The following DCLK1 variants were observed in gnomAD, a reference collection of about 807,000 sequenced individuals.
DCLK1 encodes doublecortin like kinase 1, also known as serine/threonine-protein kinase DCLK1.
Under a neutral mutation model 86.2 loss-of-function variants are expected in DCLK1, and 16 were observed. The ratio of observed to expected loss-of-function variants is 0.19; its 90% CI spans 0.13 to 0.28. The LOEUF is 0.28. Among genes scored for constraint, DCLK1 ranks in the 10% least tolerant of loss-of-function variants. DCLK1 has a pLI of 1.00. For synonymous variants in DCLK1, 369 were observed against 370.5 expected (o/e 1.00, Z 0.05); for missense variants, 590 against 940.2 (o/e 0.63, Z 4.87).
At chr13:35,854,963 C>T (rs1308886217) in intron 5 of DCLK1, among the ~76,000 whole-genome samples, 1 of 152,130 alleles carries the variant, frequency 6.6e-6, no homozygotes, top group Non-Finnish European at 1.5e-5. Context: ...CTAGTACTAC[C>T]CAGCAGGAAT....
chr13:35,876,437 C>T (rs1332713496), intron 4 of DCLK1, among the ~76,000 whole-genome samples: 3 of 152,132 alleles, frequency 2.0e-5, no homozygotes, highest in South Asian at 2.1e-4. Context: ...AGTGCCAAGC[C>T]GTAAATTATA....
At chr13:35,876,627 T>C (rs1246637057) in intron 4 of DCLK1, among the ~76,000 whole-genome samples, 2 of 152,164 alleles carry the variant, frequency 1.3e-5, no homozygotes, top group Non-Finnish European at 2.9e-5. Flanking sequence ...TTTTGAAACA[T>C]TGTGAATAAT....
At chr13:36,011,437 C>T (rs1202807016) in intron 3 of DCLK1, among the ~76,000 whole-genome samples, 10 of 130,724 alleles carry the variant, frequency 7.6e-5, no homozygotes, top group Non-Finnish European at 1.5e-4. Context: ...TCTTTGTTCT[C>T]GTTGGTTTCA....
intron 4 of DCLK1, among the ~76,000 whole-genome samples, chr13:35,914,981 C>T (rs566576069): frequency 6.6e-6 from 1 of 152,044 alleles, no homozygotes; most frequent in Non-Finnish European, 1.5e-5. Context: ...TTTTATGAGG[C>T]AATAAGGGGC....
chr13:35,930,930 T>C (rs898733192), intron 4 of DCLK1, among the ~76,000 whole-genome samples: 1 of 152,218 alleles, frequency 6.6e-6, no homozygotes, highest in Non-Finnish European at 1.5e-5. Flanking sequence ...GCCAAAGAGC[T>C]TTTGGTTTGG....
At chr13:35,998,567 C>G (rs145473908) in intron 3 of DCLK1, among the ~76,000 whole-genome samples, 4 of 152,286 alleles carry the variant, frequency 2.6e-5, no homozygotes, top group African/African-American at 9.6e-5. Flanking sequence ...CCAGAGTGGT[C>G]TTCTTGATCA....
chr13:36,025,198 C>T (rs1881981609), intron 3 of DCLK1, among the ~76,000 whole-genome samples: 1 of 152,052 alleles, frequency 6.6e-6, no homozygotes, highest in African/African-American at 2.4e-5. Context: ...GAACTCCTGA[C>T]CTCAGGTGAT....
intron 5 of DCLK1, chr13:35,855,620 T>C: frequency 1.3e-6 from 2 of 1,538,688 alleles, no homozygotes; most frequent in African/African-American, 1.4e-5. Context: ...ATCGGTTGGA[T>C]GAGTTTAAGG....
At chr13:35,812,155 A>G (rs1312922162) in intron 11 of DCLK1, among the ~76,000 whole-genome samples, 2 of 152,228 alleles carry the variant, frequency 1.3e-5, no homozygotes, top group Non-Finnish European at 2.9e-5. Flanking sequence ...TCCAGCCACG[A>G]TCAAAACAAA....
chr13:36,020,272 G>C (rs933244381), intron 3 of DCLK1, among the ~76,000 whole-genome samples: 11 of 152,154 alleles, frequency 7.2e-5, no homozygotes, highest in Admixed American at 5.2e-4. Flanking sequence ...GATGATAAAT[G>C]GTTATTGAAT....
Position 36,044,715 on chromosome 13 carries a change from C to A in DCLK1, c.723+67154G>T, listed in dbSNP as rs184878089. Reference sequence around the variant, plus strand: ...TAAACACTACTGACTACTAAAAATTCGTGATATGGATGCAGGAGGGTGACA... The same window carrying A: ...TAAACACTACTGACTACTAAAAATTAGTGATATGGATGCAGGAGGGTGACA... On this transcript the variant is annotated intron_variant, in intron 3 of 16. Transcript: ENST00000360631. 2.3e-3 allele frequency among the ~76,000 whole-genome samples: 344 copies of A among 152,052 alleles called. 3 individuals carry two copies. Among genetic ancestry groups the A allele is most frequent in the African/African-American group, 8.1e-3 (334 of 41,472 alleles).
intron 4 of DCLK1, among the ~76,000 whole-genome samples, chr13:35,925,045 TACCATCC>T (rs1321107737): frequency 6.6e-6 from 1 of 152,230 alleles, no homozygotes; most frequent in Non-Finnish European, 1.5e-5. Context: ...CTCTTTTTAG[TACCATCC>T]ACTACAAGAG....
intron 11 of DCLK1, among the ~76,000 whole-genome samples, chr13:35,818,653 G>A (rs1006204949): frequency 4.4e-4 from 67 of 152,274 alleles, no homozygotes; most frequent in Non-Finnish European, 5.9e-4. Flanking sequence ...TTTTCATAAG[G>A]AGGAGGCATC....
intron 4 of DCLK1, among the ~76,000 whole-genome samples, chr13:35,902,790 C>G (rs73518657): frequency 4.0e-5 from 6 of 151,848 alleles, no homozygotes; most frequent in Admixed American, 2.6e-4. Flanking sequence ...TTTCAGCCCC[C>G]GAAACAGTGA....
chr13:36,038,405 A>G (rs900624829), intron 3 of DCLK1, among the ~76,000 whole-genome samples: 18 of 152,228 alleles, frequency 1.2e-4, no homozygotes, highest in African/African-American at 4.1e-4. Context: ...TACAGTAACA[A>G]GAGCCTAGAG....
intron 5 of DCLK1, among the ~76,000 whole-genome samples, chr13:35,862,575 C>T (rs1871482594): frequency 6.6e-6 from 1 of 152,180 alleles, no homozygotes; most frequent in Non-Finnish European, 1.5e-5. Flanking sequence ...CCTTTCACTT[C>T]ATAATACCTA....
At chr13:35,982,823 A>ATGGTCT (rs1879727397) in intron 3 of DCLK1, among the ~76,000 whole-genome samples, 1 of 152,038 alleles carries the variant, frequency 6.6e-6, no homozygotes, top group Admixed American at 6.6e-5. Context: ...GTGCAGTGGC[A>ATGGTCT]TGGTCTTGGT....
At chr13:35,808,901 G>A (rs1189795874) in intron 13 of DCLK1, 117 bp downstream of exon 13, 2 of 722,142 alleles carry the variant, frequency 2.8e-6, no homozygotes, top group African/African-American at 1.8e-5. Context: ...GGGATTGCAA[G>A]TAAAGTTCTT....
chr13:35,964,937 C>T (rs1878653653), intron 3 of DCLK1, among the ~76,000 whole-genome samples: 1 of 152,170 alleles, frequency 6.6e-6, no homozygotes, highest in Admixed American at 6.5e-5. Context: ...GATACAAAGA[C>T]AGAGTTGAGT....
Sources: gnomAD v4.1 joint callset for allele counts (sites outside exome capture counted in the v4.1 genomes callset) on GRCh38, gnomAD v4.1.1 for gene constraint, MANE v1.5 for transcripts, NCBI Gene and HGNC (gene_info 2026-07-23, HGNC 2026-07-21) for gene names.